Variants in TMEM132D observed in about 807,000 individuals in gnomAD.
The protein encoded by TMEM132D is transmembrane protein 132D.
TMEM132D carries 21 observed loss-of-function variants against 62.3 expected under a neutral mutation model. The ratio of observed to expected loss-of-function variants is 0.34; its 90% CI spans 0.24 to 0.49. The LOEUF is 0.49. Ranked by LOEUF, TMEM132D falls within the 20% of genes least tolerant of loss-of-function variation. The pLI is 0.99. For missense variants in TMEM132D, 1,346 were observed against 1,402.8 expected (o/e 0.96, Z 0.65); for synonymous variants, 621 against 575.6 (o/e 1.08, Z -1.13).
intron 1 of TMEM132D, among the ~76,000 whole-genome samples, chr12:129,873,128 A>T (rs2137378694): frequency 6.6e-6 from 1 of 152,244 alleles, no homozygotes; most frequent in Admixed American, 6.5e-5. Flanking sequence ...CTTGCGCCCC[A>T]ATTATTGCAG....
chr12:129,755,771 C>A (rs1246105075), intron 1 of TMEM132D, among the ~76,000 whole-genome samples: 1 of 152,166 alleles, frequency 6.6e-6, no homozygotes, highest in African/African-American at 2.4e-5. Context: ...ATGAGGAAAT[C>A]TCTCTCCACC....
intron 3 of TMEM132D, among the ~76,000 whole-genome samples, chr12:129,403,329 G>A (rs1045179938): frequency 6.7e-6 from 1 of 149,308 alleles, no homozygotes; most frequent in Non-Finnish European, 1.5e-5. Flanking sequence ...TCTCACTTAG[G>A]AGAATTTAGA....
intron 4 of TMEM132D, among the ~76,000 whole-genome samples, chr12:129,289,915 G>C (rs892794034): frequency 1.3e-5 from 2 of 152,192 alleles, no homozygotes; most frequent in African/African-American, 4.8e-5. Flanking sequence ...TCTGGACTGA[G>C]AGAGACTAAG....
chr12:129,521,780 C>T (rs995583757), intron 3 of TMEM132D: 2 of 152,156 alleles, frequency 1.3e-5, no homozygotes, highest in African/African-American at 4.8e-5. Context: ...TTATTTATCC[C>T]TCACCAGCTG....
At chr12:129,764,116 C>T (rs1870473009) in intron 1 of TMEM132D, among the ~76,000 whole-genome samples, 1 of 152,196 alleles carries the variant, frequency 6.6e-6, no homozygotes, top group Admixed American at 6.5e-5. Flanking sequence ...CAAAAGCTTG[C>T]ACCATAATGG....
chr12:129,087,684 T>A (rs1280843636), intron 5 of TMEM132D, among the ~76,000 whole-genome samples: 1 of 152,196 alleles, frequency 6.6e-6, no homozygotes, highest in Admixed American at 6.5e-5. Flanking sequence ...TACCGACACC[T>A]TGATGTCGGC....
Position 129,074,360 on chromosome 12 carries a change from C to G in TMEM132D, c.2815G>C (p.Val939Leu), listed in dbSNP as rs1593250706. ...LAILVFLINC[V>L]TFALKYRHKQ... ...TGTCTGTATTTTAATGCAAAGGTCA[C>G]ACAGTTTATCAAGAAGACCAAAATG... Residue 939 changes from valine to leucine, a missense_variant, in exon 9 of 9, where the codon GTG becomes CTG. Coordinates refer to ENST00000422113, the MANE Select transcript of TMEM132D (RefSeq NM_133448.3). 6.2e-7 allele frequency: 1 copy of G among 1,614,050 alleles called. No individual in the cohort carries two copies. Among genetic ancestry groups the G allele is most frequent in the Non-Finnish European group, 8.5e-7 (1 of 1,180,024 alleles).
intron 4 of TMEM132D, among the ~76,000 whole-genome samples, chr12:129,253,028 A>G (rs1457869637): frequency 1.8e-5 from 2 of 111,520 alleles, no homozygotes; most frequent in Non-Finnish European, 3.4e-5. Flanking sequence ...AACATCACAC[A>G]CTGGGGACTG....
intron 2 of TMEM132D, among the ~76,000 whole-genome samples, chr12:129,666,509 G>C (rs1417536993): frequency 1.3e-5 from 2 of 152,178 alleles, no homozygotes; most frequent in Admixed American, 6.5e-5. Context: ...TAGACATTTG[G>C]TCTAAATTAA....
At chr12:129,440,029 AAG>A (rs2135720633) in intron 3 of TMEM132D, among the ~76,000 whole-genome samples, 1 of 152,248 alleles carries the variant, frequency 6.6e-6, no homozygotes, top group South Asian at 2.1e-4. Context: ...CAGAATGAAA[AAG>A]AGGTGTTATT....
chr12:129,441,353 G>A (rs144311321), intron 3 of TMEM132D, among the ~76,000 whole-genome samples: 198 of 152,256 alleles, frequency 1.3e-3, no homozygotes, highest in African/African-American at 4.2e-3. Context: ...CGCACGGTAT[G>A]AGAAGAACTA....
intron 3 of TMEM132D, among the ~76,000 whole-genome samples, chr12:129,373,822 C>T (rs1870698302): frequency 1.3e-5 from 2 of 152,244 alleles, no homozygotes; most frequent in Non-Finnish European, 2.9e-5. Flanking sequence ...TAAAATAAAG[C>T]CAAACGGCCT....
chr12:129,574,108 C>A (rs889458524), intron 2 of TMEM132D, among the ~76,000 whole-genome samples: 2 of 151,828 alleles, frequency 1.3e-5, no homozygotes, highest in Non-Finnish European at 2.9e-5. Flanking sequence ...AAACATTAAA[C>A]TCGAATTAGT....
intron 1 of TMEM132D, among the ~76,000 whole-genome samples, chr12:129,795,491 C>T (rs969203718): frequency 3.3e-5 from 5 of 152,170 alleles, no homozygotes. Flanking sequence ...AACAGTATTT[C>T]GTGGTGCCAA....
chr12:129,711,479 A>C (rs1881643085), intron 1 of TMEM132D, among the ~76,000 whole-genome samples: 1 of 152,284 alleles, frequency 6.6e-6, no homozygotes, highest in Admixed American at 6.5e-5. Context: ...TAATCCCAGC[A>C]CTTTGGGAGG....
At chr12:129,716,692 G>A (rs576837689) in intron 1 of TMEM132D, among the ~76,000 whole-genome samples, 17 of 152,030 alleles carry the variant, frequency 1.1e-4, no homozygotes, top group African/African-American at 3.6e-4. Context: ...TAAAACAAGA[G>A]GATTATCCTG....
chr12:129,111,947 T>C (rs1875717313), intron 5 of TMEM132D, among the ~76,000 whole-genome samples: 1 of 152,140 alleles, frequency 6.6e-6, no homozygotes, highest in Admixed American at 6.5e-5. Flanking sequence ...AGGGGTCCCT[T>C]GGCACTCTTC....
intron 3 of TMEM132D, among the ~76,000 whole-genome samples, chr12:129,496,125 G>A (rs1874948401): frequency 1.3e-5 from 2 of 152,150 alleles, no homozygotes; most frequent in African/African-American, 2.4e-5. Context: ...AGTACCGGAT[G>A]TAACATTACA....
Position 129,688,199 on chromosome 12 carries a change from G to A in TMEM132D, c.968+11611C>T, listed in dbSNP as rs79958191. Among the ~76,000 whole-genome samples the A allele has an allele frequency of 4.7e-3, 717 of 152,196 alleles. 7 individuals are homozygous for A. The highest frequency in any genetic ancestry group is 0.016 in the African/African-American group (678 of 41,520). Reference sequence around the variant, plus strand: ...ATATGGTGGCATTTTTCACAAACAGGCATTTACTTACATGAATCAATCATA... The same window carrying A: ...ATATGGTGGCATTTTTCACAAACAGACATTTACTTACATGAATCAATCATA... On this transcript the variant is annotated intron_variant, in intron 2 of 8. Transcript: ENST00000422113.
Sources: gnomAD v4.1 joint callset for allele counts (sites outside exome capture counted in the v4.1 genomes callset) on GRCh38, gnomAD v4.1.1 for gene constraint, MANE v1.5 for transcripts, NCBI Gene and HGNC (gene_info 2026-07-23, HGNC 2026-07-21) for gene names.